KCNH7: variants seen among roughly 807,000 people sequenced by gnomAD.
KCNH7 encodes the protein potassium voltage-gated channel subfamily H member 7.
KCNH7 carries 49 observed loss-of-function variants against 120.8 expected under a neutral mutation model. The ratio of observed to expected loss-of-function variants is 0.41; its 90% CI spans 0.32 to 0.51. The LOEUF is 0.51. Ranked by LOEUF, KCNH7 falls within the 20% of genes least tolerant of loss-of-function variation. The pLI is 0.38. For missense variants in KCNH7, 1,097 were observed against 1,446.6 expected, an observed-to-expected ratio of 0.76 and a Z score of 3.92; for synonymous variants, 547 against 516.1, an observed-to-expected ratio of 1.06 and a Z score of -0.81.
intron 7 of KCNH7, among the ~76,000 whole-genome samples, chr2:162,439,540 T>C (rs1409098491): frequency 6.6e-6 from 1 of 152,160 alleles, no homozygotes; most frequent in Non-Finnish European, 1.5e-5. Context: ...TTATTGTGAT[T>C]GAATAATTTT....
Position 162,555,103 on chromosome 2 carries a change from G to A in KCNH7, c.308-18023C>T, listed in dbSNP as rs181452472. On this transcript the variant is annotated intron_variant, in intron 2 of 15. Transcript: ENST00000332142. ...GGCTCCAGAATTGCCAAATGGATGA[G>A]CATAGATATGTCCAGCTGGCTGAAA... is the stretch of plus-strand genomic sequence containing the variant. Among the ~76,000 whole-genome samples, 170 of 152,334 alleles carry A rather than the reference G, an allele frequency of 1.1e-3. 1 individual carries two copies. Among genetic ancestry groups the A allele is most frequent in the African/African-American group, 3.7e-3 (154 of 41,580 alleles).
intron 2 of KCNH7, among the ~76,000 whole-genome samples, chr2:162,655,512 C>A (rs1009126835): frequency 1.3e-5 from 2 of 151,972 alleles, no homozygotes; most frequent in Non-Finnish European, 2.9e-5. Flanking sequence ...TCTGGCCGGG[C>A]GTGGTGGCTC....
chr2:162,743,465 G>C (rs1688208526), intron 2 of KCNH7, among the ~76,000 whole-genome samples: 1 of 152,098 alleles, frequency 6.6e-6, no homozygotes, highest in South Asian at 2.1e-4. Context: ...AAATAATGTA[G>C]AATGTTACCA....
chr2:162,476,267 T>C (rs974374132), intron 6 of KCNH7, among the ~76,000 whole-genome samples: 3 of 152,232 alleles, frequency 2.0e-5, no homozygotes, highest in Admixed American at 6.5e-5. Context: ...CAAACTTTTA[T>C]AGAGCAAACT....
At chr2:162,616,533 T>C (rs949643768) in intron 2 of KCNH7, among the ~76,000 whole-genome samples, 1 of 152,184 alleles carries the variant, frequency 6.6e-6, no homozygotes, top group Non-Finnish European at 1.5e-5. Flanking sequence ...GTAGAGTGAG[T>C]GGGTCAGATT....
At chr2:162,812,569 C>T (rs1684768221) in intron 2 of KCNH7, among the ~76,000 whole-genome samples, 1 of 151,882 alleles carries the variant, frequency 6.6e-6, no homozygotes, top group Non-Finnish European at 1.5e-5. Flanking sequence ...CTTTTTGGGA[C>T]TAGTTTAAGG....
At chr2:162,824,905 T>A (rs1685231570) in intron 2 of KCNH7, among the ~76,000 whole-genome samples, 1 of 152,004 alleles carries the variant, frequency 6.6e-6, no homozygotes, top group African/African-American at 2.4e-5. Context: ...ATATGTATAT[T>A]CAAATAAAAA....
intron 9 of KCNH7, among the ~76,000 whole-genome samples, chr2:162,414,934 A>G (rs963243653): frequency 2.0e-5 from 3 of 152,040 alleles, no homozygotes; most frequent in Non-Finnish European, 4.4e-5. Context: ...CTTACTCCCT[A>G]CCTTAAGCTA....
Position 162,764,097 on chromosome 2 carries a change from G to A in KCNH7, c.307+72440C>T, listed in dbSNP as rs116533298. ...TTTGGCTTTTCTCTTGCTATTTCAC[G>A]TAAAAATAGGTAAATATTTCCCAAT... On this transcript the variant is annotated intron_variant, in intron 2 of 15. Transcript: ENST00000332142. Among the ~76,000 whole-genome samples, 644 of 151,776 alleles carry A rather than the reference G, an allele frequency of 4.2e-3. 8 individuals are homozygous for A. Among genetic ancestry groups the A allele is most frequent in the African/African-American group, 0.015 (620 of 41,364 alleles).
Position 162,446,566 on chromosome 2 carries a change from G to A in KCNH7, c.1129-123C>T, listed in dbSNP as rs1688587409. ...TATTAGAGAGAATTCATGTAATTTG[G>A]AAGTATTTATGAAACACACACATAC... On this transcript the variant is annotated intron_variant, in intron 6 of 15. Transcript: ENST00000332142. 5 of 721,986 alleles carry A rather than the reference G, an allele frequency of 6.9e-6. No homozygotes were observed. In the African/African-American group the frequency reaches 7.1e-5, roughly 10 times the overall value. The allele number at this position is 721,986 out of a possible 1,614,324, so 44.7% of individuals were successfully genotyped here.
In KCNH7 at chr2:162,504,579, T is replaced by C. The variant is rs1690802202; in HGVS notation, c.992A>G (p.Lys331Arg). Residue 331 changes from lysine (K) to arginine (R), a missense_variant, in exon 6 of 16, where the codon AAG (lysine) becomes AGG (arginine). Transcript: ENST00000332142. ...SNLNKYSTINKIPQLTLNFSE... is the reference protein window; with the variant it reads ...SNLNKYSTINRIPQLTLNFSE... ...AAAATTCAGAGTGAGCTGTGGAATC[T>C]TGTTAATGGTGCTGTATTTGTTGAG... The C allele has an allele frequency of 6.2e-7, 1 of 1,612,962 alleles. No individual in the cohort carries two copies. The highest frequency in any genetic ancestry group is 1.7e-5 in the Admixed American group (1 of 59,930).
chr2:162,531,242 C>A (rs1458464002), intron 3 of KCNH7, among the ~76,000 whole-genome samples: 4 of 151,908 alleles, frequency 2.6e-5, no homozygotes, highest in African/African-American at 4.8e-5. Context: ...CTGGAGGCTA[C>A]TGTAAAGACT....
intron 2 of KCNH7, among the ~76,000 whole-genome samples, chr2:162,788,140 G>T (rs1320318363): frequency 6.6e-6 from 1 of 152,108 alleles, no homozygotes; most frequent in Non-Finnish European, 1.5e-5. Context: ...CTATCCTAAA[G>T]AAATGAAAAT....
At chr2:162,693,186 C>T (rs1488968028) in intron 2 of KCNH7, among the ~76,000 whole-genome samples, 4 of 152,130 alleles carry the variant, frequency 2.6e-5, no homozygotes, top group Non-Finnish European at 5.9e-5. Flanking sequence ...TAAAATTGCT[C>T]ATTGAAAAAC....
chr2:162,765,531 TCTTA>T (rs1682763406), intron 2 of KCNH7, among the ~76,000 whole-genome samples: 1 of 152,164 alleles, frequency 6.6e-6, no homozygotes, highest in African/African-American at 2.4e-5. Context: ...GGTGCATATG[TCTTA>T]CTTTGTTGAC....
chr2:162,423,721 G>C (rs1172499975), intron 8 of KCNH7, among the ~76,000 whole-genome samples, 186 bp from the exon 9 acceptor site: 2 of 152,146 alleles, frequency 1.3e-5, no homozygotes, highest in Admixed American at 1.3e-4. Context: ...TAAAGCTGGA[G>C]AGGGAAAGTA....
chr2:162,584,650 A>C (rs1437649615), intron 2 of KCNH7, among the ~76,000 whole-genome samples: 1 of 152,074 alleles, frequency 6.6e-6, no homozygotes, highest in Non-Finnish European at 1.5e-5. Context: ...CATACATCAC[A>C]TCACTGGGAA....
intron 12 of KCNH7, among the ~76,000 whole-genome samples, chr2:162,387,916 T>C (rs1686622469): frequency 1.3e-5 from 2 of 151,938 alleles, no homozygotes; most frequent in African/African-American, 2.4e-5. Context: ...CCATTTCTAT[T>C]TGTCGAACCC....
Position 162,462,183 on chromosome 2 carries a change from G to GA in KCNH7, c.1129-15741dup, listed in dbSNP as rs770647410. On this transcript the variant is annotated intron_variant, in intron 6 of 15. Transcript: ENST00000332142. ...AGGTCAAGGATTAATGTACGTTAAG[G>GA]AAAAAAAATCAGAAACACTACCCAT... Among the ~76,000 whole-genome samples the GA allele has an allele frequency of 1.8e-4, 27 of 151,730 alleles. 1 individual carries two copies. The highest frequency in any genetic ancestry group is 5.3e-4 in the Admixed American group (8 of 15,230).
Sources: allele counts gnomAD v4.1 joint callset (sites outside exome capture counted in the v4.1 genomes callset), GRCh38; gene constraint gnomAD v4.1.1; transcripts MANE v1.5; gene names NCBI Gene and HGNC (gene_info 2026-07-23, HGNC 2026-07-21).